The following AFG1L variants were observed in gnomAD, a reference collection of about 807,000 sequenced individuals.
The protein encoded by AFG1L is AFG1 like ATPase, also known as AFG1-like ATPase.
Under a neutral mutation model 62.2 loss-of-function variants are expected in AFG1L, and 53 were observed. That is an observed-to-expected ratio of 0.85 (90% CI 0.68 to 1.07). The LOEUF is 1.07. AFG1L is among the 50% of genes least tolerant of loss of function. The probability of loss-of-function intolerance (pLI) is 0.00; values close to 1 mark genes in which losing one functional copy is unlikely to be tolerated. For synonymous variants in AFG1L, 228 were observed against 210.3 expected (o/e 1.08, Z -0.73); for missense variants, 555 against 590.5 (o/e 0.94, Z 0.62).
chr6:108,443,864 G>GA (rs1771648435), intron 7 of AFG1L, among the ~76,000 whole-genome samples: 1 of 150,940 alleles, frequency 6.6e-6, no homozygotes, highest in Non-Finnish European at 1.5e-5. Context: ...AACAGAGTAA[G>GA]ACTCTGTCGA....
At chr6:108,449,159 G>GTA (rs10603688) in intron 8 of AFG1L, among the ~76,000 whole-genome samples, 3,124 of 145,824 alleles carry the variant, frequency 0.021, 93 homozygotes, top group African/African-American at 0.069. Context: ...AAAAAAAAAA[G>GTA]TATATATATA....
At chr6:108,422,477 CAA>C (rs539232525) in intron 7 of AFG1L, among the ~76,000 whole-genome samples, 12 of 45,798 alleles carry the variant, frequency 2.6e-4, no homozygotes, top group Admixed American at 9.2e-4. Flanking sequence ...TAGTCCTCAG[CAA>C]AAAAAAAAAA....
Position 108,399,769 on chromosome 6 carries a change from C to CTCT in AFG1L, c.749-2226_749-2225insCTT, listed in dbSNP as rs1470281970. 1.1e-3 allele frequency among the ~76,000 whole-genome samples: 47 copies of CTCT among 42,690 alleles called. 3 individuals carry two copies. Among genetic ancestry groups the CTCT allele is most frequent in the African/African-American group, 3.7e-3 (39 of 10,468 alleles). The allele number at this position is 42,690 out of a possible 152,430, so 28.0% of individuals were successfully genotyped here. A position where few individuals can be genotyped will look rare whatever the true frequency, so the allele number is the denominator to read the frequency against. On this transcript the variant is annotated intron_variant, in intron 6 of 12. Coordinates refer to ENST00000368977, the MANE Select transcript of AFG1L (RefSeq NM_145315.5). ...TGGGGTGGGGTGTGGAAGTATCTCTCTTTTTTTTTTTTTTTTTTTTTTTTT... is the reference window on the plus strand; with the variant it reads ...TGGGGTGGGGTGTGGAAGTATCTCTCTCTTTTTTTTTTTTTTTTTTTTTTTTTT...
chr6:108,516,451 G>A (rs1252899753), intron 11 of AFG1L, among the ~76,000 whole-genome samples: 13 of 151,994 alleles, frequency 8.6e-5, no homozygotes, highest in Admixed American at 6.6e-4. Flanking sequence ...AAATTCAACA[G>A]CCCTTCATGC....
intron 2 of AFG1L, among the ~76,000 whole-genome samples, chr6:108,346,256 A>G (rs954055253): frequency 3.9e-5 from 6 of 152,176 alleles, no homozygotes; most frequent in Admixed American, 3.9e-4. Flanking sequence ...AGCCATCACT[A>G]CCATTTATCT....
In AFG1L at chr6:108,356,750, A is replaced by T; in HGVS notation, c.578A>T (p.Tyr193Phe). The T allele has an allele frequency of 6.2e-7, 1 of 1,613,282 alleles. No individual in the cohort carries two copies. Among genetic ancestry groups the T allele is most frequent in the South Asian group, 1.1e-5 (1 of 90,952 alleles). Residue 193 changes from tyrosine to phenylalanine, a missense_variant, in exon 5 of 13, where the codon TAT (tyrosine) becomes TTT (phenylalanine). Coordinates refer to ENST00000368977, the MANE Select transcript of AFG1L (RefSeq NM_145315.5). ...AAACCAGGATTCATGGCTAAATCAT[A>T]TGACCCAATAGCTCCCATAGCCGAA... ...KRKPGFMAKS[Y>F]DPIAPIAEEI... is the part of the protein sequence containing the mutation.
At chr6:108,295,468 G>C (rs767178873) in intron 1 of AFG1L, among the ~76,000 whole-genome samples, 2 of 152,124 alleles carry the variant, frequency 1.3e-5, no homozygotes, top group African/African-American at 2.4e-5. Flanking sequence ...TTCCTTCCGG[G>C]ACGTTTAGAG....
In AFG1L at chr6:108,417,282, ACAC is replaced by A. The variant is rs1242124643; in HGVS notation, c.807+15229_807+15231del. 1.4e-3 allele frequency among the ~76,000 whole-genome samples: 179 copies of A among 128,550 alleles called. 2 individuals carry two copies. Among genetic ancestry groups the A allele is most frequent in the Middle Eastern group, 3.8e-3 (1 of 262 alleles). 84.3% of individuals were successfully genotyped at this position (128,550 alleles called of 152,430 possible). A position where few individuals can be genotyped will look rare whatever the true frequency, so the allele number is the denominator to read the frequency against. On this transcript the variant is annotated intron_variant, in intron 7 of 12. Transcript: ENST00000368977. ...CACAGACACGCACACACACACACAC[ACAC>A]ACAAAAAAAAAACGGGGAAAAAAAG...
intron 11 of AFG1L, among the ~76,000 whole-genome samples, chr6:108,514,180 ACT>A (rs1774780961): frequency 6.6e-6 from 1 of 152,014 alleles, no homozygotes; most frequent in Non-Finnish European, 1.5e-5. Flanking sequence ...GAGCAGAAAA[ACT>A]CAAAATTCTA....
intron 10 of AFG1L, among the ~76,000 whole-genome samples, chr6:108,505,862 T>C (rs1474703177): frequency 6.6e-6 from 1 of 152,122 alleles, no homozygotes; most frequent in Non-Finnish European, 1.5e-5. Context: ...CCTAGGTGCA[T>C]TTAAAGTATC....
chr6:108,362,870 A>G (rs1255074311), intron 5 of AFG1L, among the ~76,000 whole-genome samples: 1 of 152,198 alleles, frequency 6.6e-6, no homozygotes, highest in East Asian at 1.9e-4. Context: ...ATTATCCTTA[A>G]GCCTATTAAG....
rs775224441 is a variant in AFG1L at position 108,519,825 on chromosome 6, CAT to C, written c.1317+17_1317+18del. ...GGCTGAGCCAGGTAGGCGATATTAA[CAT>C]AATCTCTTTTTATTATAAAACAGCT... On this transcript the variant is annotated intron_variant, in intron 12 of 12. Transcript: ENST00000368977. 7.4e-6 allele frequency: 11 copies of C among 1,491,604 alleles called. No homozygotes were observed. The African/African-American group carries it at 1.3e-4, about 17-fold the overall frequency. 92.4% of individuals were successfully genotyped at this position (1,491,604 alleles called of 1,614,324 possible). A position where few individuals can be genotyped will look rare whatever the true frequency, so the allele number is the denominator to read the frequency against.
intron 10 of AFG1L, among the ~76,000 whole-genome samples, chr6:108,505,101 T>TA (rs1774348002): frequency 7.3e-6 from 1 of 136,914 alleles, no homozygotes; most frequent in South Asian, 2.1e-4. Flanking sequence ...TCTTTTTTCT[T>TA]TTTTTTTTTT....
chr6:108,522,535 C>A lies in AFG1L; in HGVS notation c.*110C>A. 8.3e-7 allele frequency: 1 copy of A among 1,206,846 alleles called. No individual in the cohort carries two copies. The highest frequency in any genetic ancestry group is 1.1e-6 in the Non-Finnish European group (1 of 888,530). The allele number at this position is 1,206,846 out of a possible 1,614,324, so 74.8% of individuals were successfully genotyped here. A position where few individuals can be genotyped will look rare whatever the true frequency, so the allele number is the denominator to read the frequency against. ...CTCATCATTAATTATGCACTTTGTC[C>A]TCTGGACCATTTTAATCTAAAATTG... is the stretch of plus-strand genomic sequence containing the variant. On this transcript the variant is annotated 3_prime_UTR_variant, in exon 13 of 13. Transcript: ENST00000368977.
intron 10 of AFG1L, among the ~76,000 whole-genome samples, chr6:108,484,757 T>C (rs189709679): frequency 2.7e-4 from 41 of 152,338 alleles, no homozygotes; most frequent in African/African-American, 9.9e-4. Context: ...AAAAGTAAGA[T>C]GTACATAAGT....
intron 7 of AFG1L, among the ~76,000 whole-genome samples, chr6:108,442,102 T>C (rs1771577634): frequency 6.6e-6 from 1 of 152,108 alleles, no homozygotes; most frequent in Non-Finnish European, 1.5e-5. Context: ...TTATGAAAAA[T>C]TGACCATTGC....
chr6:108,402,590 G>A (rs1306303830), intron 7 of AFG1L, among the ~76,000 whole-genome samples: 1 of 151,240 alleles, frequency 6.6e-6, no homozygotes, highest in African/African-American at 2.4e-5. Flanking sequence ...ATTCATCCAT[G>A]TGTACACTGA....
At position 108,295,157 on chromosome 6, in the gene AFG1L, C is replaced by A. The variant is rs150464459; in HGVS notation, c.78C>A (p.Cys26Ter). 2 of 1,609,676 alleles carry A rather than the reference C, an allele frequency of 1.2e-6. No homozygotes were observed. Residue 26 changes from cysteine (C) to a stop codon, truncating the protein, a stop_gained, in exon 1 of 13, where the codon TGC becomes TGA. Transcript: ENST00000368977. LOFTEE classifies it high-confidence loss of function. ...CGCTGAGAGGGAGATGTGTTGGGTG[C>A]GGGGCCTGGGCCGCCGCTCTCGCTC... is the stretch of plus-strand genomic sequence containing the variant. ...QSPLRGRCVGCGAWAAALAPL... is the reference protein window; with the variant it reads ...QSPLRGRCVG
intron 5 of AFG1L, among the ~76,000 whole-genome samples, chr6:108,360,910 C>T (rs1173873007): frequency 6.6e-6 from 1 of 152,224 alleles, no homozygotes; most frequent in Non-Finnish European, 1.5e-5. Flanking sequence ...GTATAATGAA[C>T]AAGCAGAGCC....
Sources: gnomAD v4.1 joint callset for allele counts (sites outside exome capture counted in the v4.1 genomes callset) on GRCh38, gnomAD v4.1.1 for gene constraint, MANE v1.5 for transcripts, NCBI Gene and HGNC (gene_info 2026-07-23, HGNC 2026-07-21) for gene names.